ZNF626: variants seen among roughly 807,000 people sequenced by gnomAD.
ZNF626 encodes zinc finger protein 626, also known as CTC-513N18.7.
A neutral mutation model predicts 11.7 loss-of-function variants in ZNF626; 4 were observed. That is an observed-to-expected ratio of 0.34 (90% confidence interval 0.17 to 0.78). The LOEUF (loss-of-function observed/expected upper bound fraction) is 0.78, where lower values mean the gene tolerates loss of function less well. Ranked by LOEUF, ZNF626 falls within the 30% of genes least tolerant of loss-of-function variation. The pLI, the probability that ZNF626 is intolerant of heterozygous loss-of-function variation, is 0.57. For missense variants in ZNF626, 588 were observed against 587.1 expected, an observed-to-expected ratio of 1.00 and a Z score of -0.01; for synonymous variants, 179 against 198.6, an observed-to-expected ratio of 0.90 and a Z score of 0.83.
chr19:20,632,978 T>C (rs1969923932), intron 3 of ZNF626, among the ~76,000 whole-genome samples: 2 of 152,214 alleles, frequency 1.3e-5, no homozygotes, highest in South Asian at 4.1e-4. Flanking sequence ...GGATGTCCTT[T>C]CTCTTTGTTA....
At chr19:20,632,905 T>A (rs1268480349) in intron 3 of ZNF626, among the ~76,000 whole-genome samples, 1 of 152,124 alleles carries the variant, frequency 6.6e-6, no homozygotes, top group Non-Finnish European at 1.5e-5. Context: ...TTTTTTCCCA[T>A]CTTTGTGGTT....
intron 1 of ZNF626, among the ~76,000 whole-genome samples, chr19:20,658,800 G>C (rs140063633): frequency 2.2e-4 from 34 of 152,084 alleles, no homozygotes; most frequent in African/African-American, 8.0e-4. Context: ...CCACAACATT[G>C]TCCTCACTGC....
chr19:20,642,191 G>T (rs10423967), intron 3 of ZNF626, among the ~76,000 whole-genome samples: 1 of 151,928 alleles, frequency 6.6e-6, no homozygotes, highest in Non-Finnish European at 1.5e-5. Context: ...TGATAGACAC[G>T]TGCAATTTAT....
At chr19:20,639,228 CCT>C (rs782456230) in intron 3 of ZNF626, among the ~76,000 whole-genome samples, 7 of 151,906 alleles carry the variant, frequency 4.6e-5, no homozygotes, top group Non-Finnish European at 8.8e-5. Flanking sequence ...GAAATTTGCC[CCT>C]GTGACCCAAA....
At chr19:20,650,007 G>A (rs919796846) in intron 1 of ZNF626, among the ~76,000 whole-genome samples, 1 of 152,214 alleles carries the variant, frequency 6.6e-6, no homozygotes, top group Non-Finnish European at 1.5e-5. Context: ...AGGCAGCAAT[G>A]TCTGAAGAAG....
At chr19:20,639,150 C>G (rs1969996717) in intron 3 of ZNF626, among the ~76,000 whole-genome samples, 1 of 152,072 alleles carries the variant, frequency 6.6e-6, no homozygotes, top group Non-Finnish European at 1.5e-5. Flanking sequence ...TTTAAGGAAC[C>G]TACTCTCATT....
rs1364094254 is a variant in ZNF626 at position 20,625,600 on chromosome 19, C to T, written c.277G>A (p.Asp93Asn). ...CTCAGTACCACTTTTTGGAAAGAAT[C>T]TTTCATGCTCTGCTCTGGCCAAAGG... The part of the protein sequence containing the change: ...QDLWPEQSMK[D>N]SFQKVVLRRY... The change falls in exon 4 of 4, where the codon GAT becomes AAT. Residue 93 changes from aspartate to asparagine, a missense_variant. Transcript: ENST00000601440. 3.1e-6 allele frequency: 5 copies of T among 1,594,562 alleles called. No individual in the cohort carries two copies. The highest frequency in any genetic ancestry group is 2.2e-5 in the East Asian group (1 of 44,776).
At chr19:20,649,014 T>C (rs1216519760) in intron 1 of ZNF626, among the ~76,000 whole-genome samples, 1 of 152,146 alleles carries the variant, frequency 6.6e-6, no homozygotes, top group Non-Finnish European at 1.5e-5. Flanking sequence ...AAAACACAAG[T>C]AGACAAGTAA....
At position 20,624,103 on chromosome 19, in the gene ZNF626, G is replaced by C. The variant is rs1555769089; in HGVS notation, c.*187C>G. 1.0e-6 allele frequency: 1 copy of C among 975,600 alleles called. No homozygotes were observed. Among genetic ancestry groups the C allele is most frequent in the Admixed American group, 1.7e-5 (1 of 57,390 alleles). 60.4% of individuals were successfully genotyped at this position (975,600 alleles called of 1,614,324 possible). ...TTTACCACATTATTCACATCTGTAG[G>C]GTTTCTCTCCAGTATGAAATCTCTT... On this transcript the variant is annotated 3_prime_UTR_variant, in exon 4 of 4. Coordinates refer to ENST00000601440, the MANE Select transcript of ZNF626 (RefSeq NM_001076675.3).
At chr19:20,626,353 G>A (rs1969832379) in intron 3 of ZNF626, among the ~76,000 whole-genome samples, 1 of 152,134 alleles carries the variant, frequency 6.6e-6, no homozygotes, top group African/African-American at 2.4e-5. Context: ...AGAGCAACGT[G>A]ATCCCATCAA....
intron 1 of ZNF626, among the ~76,000 whole-genome samples, chr19:20,647,752 C>T (rs1259629111): frequency 6.6e-6 from 1 of 152,046 alleles, no homozygotes; most frequent in Non-Finnish European, 1.5e-5. Flanking sequence ...TCCCAAAGTG[C>T]TGGGATTACA....
In ZNF626 at chr19:20,661,452, G is replaced by A; in HGVS notation, c.-6C>T. 1 of 1,613,722 alleles carries A rather than the reference G, an allele frequency of 6.2e-7. No homozygotes were observed. The highest frequency in any genetic ancestry group is 8.5e-7 in the Non-Finnish European group (1 of 1,179,774). On this transcript the variant is annotated 5_prime_UTR_variant, in exon 1 of 4. Transcript: ENST00000601440. ...CGGACCCTCACTCTCACCATTTTTG[G>A]CTTCCAGGAGGTCCCGGTGTCTTAG...
chr19:20,625,119 C>G lies in ZNF626; in HGVS notation c.758G>C (p.Gly253Ala), dbSNP rs569577792. The change falls in exon 4 of 4, where the codon GGA becomes GCA. Residue 253 changes from glycine (G) to alanine (A), a missense_variant. By Grantham distance (60) the Gly-to-Ala change is moderately conservative. Coordinates refer to ENST00000601440, the MANE Select transcript of ZNF626 (RefSeq NM_001076675.3). ...TLTTHKRNHT[G>A]EKPYKCDKCG... ...TTTATCACACTTGTAGGGTTTCTCT[C>G]CAGTATGATTTCTCTTATGTGTAGT... The G allele has an allele frequency of 1.2e-5, 19 of 1,612,092 alleles. No homozygotes were observed. In the South Asian group the frequency reaches 1.6e-4, roughly 14 times the overall value.
Position 20,624,895 on chromosome 19 carries a change from G to A in ZNF626, c.982C>T (p.Leu328Phe). Residue 328 changes from leucine to phenylalanine, a missense_variant, in exon 4 of 4, where the codon CTT becomes TTT. Leu to Phe is a conservative substitution (Grantham distance 22, BLOSUM62 0). Coordinates refer to ENST00000601440, the MANE Select transcript of ZNF626 (RefSeq NM_001076675.3). Reference protein sequence around the residue: ...CDKAFKYSYTLTTHKRIHTED... With the variant: ...CDKAFKYSYTFTTHKRIHTED... ...GTATGAATTCTTTTATGTGTAGTAA[G>A]GGTATAGGAGTACTTAAAGGCTTTG... 1.2e-6 allele frequency: 2 copies of A among 1,613,800 alleles called. No individual in the cohort carries two copies. Among genetic ancestry groups the A allele is most frequent in the Non-Finnish European group, 1.7e-6 (2 of 1,179,956 alleles).
At chr19:20,626,394 A>G (rs1969832842) in intron 3 of ZNF626, among the ~76,000 whole-genome samples, 1 of 152,202 alleles carries the variant, frequency 6.6e-6, no homozygotes, top group East Asian at 1.9e-4. Context: ...GCAACCATAA[A>G]ATGTATATGA....
chr19:20,630,270 G>GT (rs1969887809), intron 3 of ZNF626, among the ~76,000 whole-genome samples: 1 of 152,166 alleles, frequency 6.6e-6, no homozygotes, highest in Non-Finnish European at 1.5e-5. Flanking sequence ...CCAGGCTTTG[G>GT]TATCAGGATG....
chr19:20,647,865 A>T (rs1185583525), intron 1 of ZNF626, among the ~76,000 whole-genome samples: 1 of 152,050 alleles, frequency 6.6e-6, no homozygotes, highest in Admixed American at 6.6e-5. Flanking sequence ...AAAAAAAGTA[A>T]ATTATAGTCC....
In ZNF626 at chr19:20,623,977, G is replaced by A; in HGVS notation, c.*313C>T. ...TCATATCAATTCTTAGTTAGAAATT[G>A]AGGGCTGGTTAAAAGATTTTCCCCA... On this transcript the variant is annotated 3_prime_UTR_variant, in exon 4 of 4. Coordinates refer to ENST00000601440, the MANE Select transcript of ZNF626 (RefSeq NM_001076675.3). 1 of 511,274 alleles carries A rather than the reference G, an allele frequency of 2.0e-6. No individual in the cohort carries two copies. The highest frequency in any genetic ancestry group is 2.1e-5 in the South Asian group (1 of 48,340). The allele number at this position is 511,274 out of a possible 1,614,324, so 31.7% of individuals were successfully genotyped here.
In ZNF626 at chr19:20,624,111, T is replaced by A. The variant is rs1459538662; in HGVS notation, c.*179A>T. ...ATTATTCACATCTGTAGGGTTTCTC[T>A]CCAGTATGAAATCTCTTATGTGTAG... On this transcript the variant is annotated 3_prime_UTR_variant, in exon 4 of 4. Coordinates refer to ENST00000601440, the MANE Select transcript of ZNF626 (RefSeq NM_001076675.3). The A allele has an allele frequency of 9.5e-7, 1 of 1,049,640 alleles. No individual in the cohort carries two copies. Among genetic ancestry groups the A allele is most frequent in the Non-Finnish European group, 1.5e-6 (1 of 669,878 alleles). 65.0% of individuals were successfully genotyped at this position (1,049,640 alleles called of 1,614,324 possible). A position where few individuals can be genotyped will look rare whatever the true frequency, so the allele number is the denominator to read the frequency against.
Sources: allele counts gnomAD v4.1 joint callset (sites outside exome capture counted in the v4.1 genomes callset), GRCh38; gene constraint gnomAD v4.1.1; transcripts MANE v1.5; gene names NCBI Gene and HGNC (gene_info 2026-07-23, HGNC 2026-07-21).